SEC16B: variants seen among roughly 807,000 people sequenced by gnomAD.
The protein encoded by SEC16B is SEC16 homolog B, endoplasmic reticulum export factor.
SEC16B carries 115 observed loss-of-function variants against 141.8 expected under a neutral mutation model. The observed-to-expected ratio is 0.81, with a 90% CI of 0.70 to 0.95. SEC16B has a LOEUF of 0.95. Among genes scored for constraint, SEC16B ranks in the 40% least tolerant of loss-of-function variants. The pLI, the probability that SEC16B is intolerant of heterozygous loss-of-function variation, is 0.00. For synonymous variants in SEC16B, 493 were observed against 492.5 expected (o/e 1.00, Z -0.01); for missense variants, 1,291 against 1,312.3 (o/e 0.98, Z 0.25).
intron 13 of SEC16B, among the ~76,000 whole-genome samples, chr1:177,946,939 A>G (rs1291722448): frequency 6.6e-6 from 1 of 152,200 alleles, no homozygotes; most frequent in Non-Finnish European, 1.5e-5. Context: ...TCCCTGCTGA[A>G]GTCAAACATA....
chr1:177,958,161 T>C lies in SEC16B; in HGVS notation c.1336A>G (p.Thr446Ala), dbSNP rs767534679. ...ETPAQIVEKF[T>A]RLLYYGRKKE... is the part of the protein sequence containing the mutation. ...TTCCTTCCATAGTAGAGCAGCCTAG[T>C]GAATTTCTCCACGATCTGCGCAGGT... Residue 446 changes from threonine (T) to alanine (A), a missense_variant, in exon 10 of 26, where the codon ACT (threonine) becomes GCT (alanine). By Grantham distance (58) the Thr-to-Ala change is moderately conservative (BLOSUM62 0). Transcript: ENST00000308284. 1.9e-6 allele frequency: 3 copies of C among 1,551,856 alleles called. No individual in the cohort carries two copies. Among genetic ancestry groups the C allele is most frequent in the Non-Finnish European group, 2.6e-6 (3 of 1,146,454 alleles).
intron 1 of SEC16B, among the ~76,000 whole-genome samples, chr1:177,975,937 T>C (rs1437912316): frequency 1.3e-5 from 2 of 152,144 alleles, no homozygotes; most frequent in African/African-American, 2.4e-5. Context: ...TCAGCTGTTC[T>C]AGTTATTAGG....
chr1:177,970,548 T>G (rs1005986546), upstream of SEC16B, among the ~76,000 whole-genome samples: 2 of 152,292 alleles, frequency 1.3e-5, no homozygotes, highest in East Asian at 3.9e-4. Context: ...CGCTCACTGG[T>G]GGGAGCAAAC....
intron 12 of SEC16B, among the ~76,000 whole-genome samples, chr1:177,949,733 G>T (rs1415439880): frequency 6.6e-6 from 1 of 152,144 alleles, no homozygotes; most frequent in Non-Finnish European, 1.5e-5. Flanking sequence ...TGTACATAGA[G>T]TCCAGGTTAA....
chr1:177,964,200 T>A lies in SEC16B; in HGVS notation c.613A>T (p.Ser205Cys). 1 of 1,613,516 alleles carries A rather than the reference T, an allele frequency of 6.2e-7. No individual in the cohort carries two copies. Among genetic ancestry groups the A allele is most frequent in the Non-Finnish European group, 8.5e-7 (1 of 1,179,640 alleles). ...TTTTTCTGGGCCTCAGCAAGCAGGC[T>A]CCCTGGAAACAGCTCCCCCGGCCAC... ...QEWPGELFPGSLLAEAQKNKP... is the reference protein window; with the variant it reads ...QEWPGELFPGCLLAEAQKNKP... The change falls in exon 5 of 26, where the codon AGC (serine) becomes TGC (cysteine). Residue 205 changes from serine (S) to cysteine (C), a missense_variant. Physicochemically the swap from Ser to Cys is moderately radical, Grantham distance 112. This residue lies in a region of SEC16B where 681 missense variants were observed against 675.5 expected (regional missense o/e 1.01). Coordinates refer to ENST00000308284, the MANE Select transcript of SEC16B (RefSeq NM_033127.4).
In SEC16B at chr1:177,967,928, T is replaced by G; in HGVS notation, c.54A>C (p.Ala18=). ...ACCCTCGGTCTGGATCCTTTGAGGG[T>G]GCTGTGGCCTTCCCTCGTGTCTGGG... The part of the protein sequence containing the change: ...RLPQTRGKAT[A]PSKDPDRGFR... Residue 18 remains alanine, a synonymous_variant, in exon 2 of 26, where the codon GCA becomes GCC. Transcript: ENST00000308284. 1 of 1,613,732 alleles carries G rather than the reference T, an allele frequency of 6.2e-7. No homozygotes were observed. Among genetic ancestry groups the G allele is most frequent in the East Asian group, 2.2e-5 (1 of 44,860 alleles).
Position 177,954,373 on chromosome 1 carries a change from C to T in SEC16B, c.1369G>A (p.Ala457Thr). The T allele has an allele frequency of 3.2e-6, 5 of 1,570,148 alleles. No individual in the cohort carries two copies. Among genetic ancestry groups the T allele is most frequent in the Non-Finnish European group, 4.3e-6 (5 of 1,156,558 alleles). ...RLLYYGRKKE[A>T]LEWAMKNHLW... Reference sequence around the variant, plus strand: ...TGGTTCTTCATGGCCCACTCCAAGGCTTCCTGAAAACCAAAACATCACATT... The same window carrying T: ...TGGTTCTTCATGGCCCACTCCAAGGTTTCCTGAAAACCAAAACATCACATT... The change falls in exon 11 of 26, where the codon GCC becomes ACC. Residue 457 changes from alanine (A) to threonine (T), a missense_variant. By Grantham distance (58) the Ala-to-Thr change is moderately conservative (BLOSUM62 0). This residue lies in a region of SEC16B where 681 missense variants were observed against 675.5 expected (regional missense o/e 1.01). Transcript: ENST00000308284.
intron 14 of SEC16B, chr1:177,945,804 G>A (rs1651656129): frequency 6.5e-6 from 1 of 154,326 alleles, no homozygotes; most frequent in Non-Finnish European, 1.4e-5. Context: ...ATGGGGAGGG[G>A]GATAGAGAGA....
chr1:177,978,469 G>GGCTGAGGCAGGAGGATT (rs1467150571), intron 1 of SEC16B, among the ~76,000 whole-genome samples: 1 of 152,108 alleles, frequency 6.6e-6, no homozygotes, highest in Non-Finnish European at 1.5e-5. Context: ...GAATTTGGGA[G>GGCTGAGGCAGGAGGATT]GCTGAGGCAG....
At chr1:177,951,381 T>C (rs1652182399) in intron 12 of SEC16B, among the ~76,000 whole-genome samples, 1 of 152,192 alleles carries the variant, frequency 6.6e-6, no homozygotes, top group African/African-American at 2.4e-5. Flanking sequence ...AAGTCTCCTA[T>C]AATGGGAAAA....
intron 1 of SEC16B, among the ~76,000 whole-genome samples, chr1:177,978,373 T>C (rs545111435): frequency 6.6e-6 from 1 of 152,294 alleles, no homozygotes; most frequent in African/African-American, 2.4e-5. Flanking sequence ...TTGGTAAGTG[T>C]CCAACAAATG....
chr1:177,970,464 C>A (rs1472483074), upstream of SEC16B, among the ~76,000 whole-genome samples: 3 of 152,166 alleles, frequency 2.0e-5, no homozygotes, highest in South Asian at 4.1e-4. Context: ...GTATGCCCTG[C>A]AGATCAATAT....
At position 177,929,870 on chromosome 1, in the gene SEC16B, G is replaced by A. The variant is rs753400953; in HGVS notation, c.3171C>T (p.Thr1057=). 6.2e-7 allele frequency: 1 copy of A among 1,613,928 alleles called. No individual in the cohort carries two copies. The highest frequency in any genetic ancestry group is 8.5e-7 in the Non-Finnish European group (1 of 1,179,870). ...PNRLAQRRYP[T]QPC The stretch of plus-strand genomic sequence containing the variant: ...CGTGTGTTTATTCTCAGCATGGCTG[G>A]GTGGGATAGCGACGCTGAGCTAGGC... The change falls in exon 26 of 26, where the codon ACC becomes ACT. Residue 1057 remains threonine, a synonymous_variant. Coordinates refer to ENST00000308284, the MANE Select transcript of SEC16B (RefSeq NM_033127.4).
At position 177,936,537 on chromosome 1, in the gene SEC16B, A is replaced by G. The variant is rs773681649; in HGVS notation, c.2504-172T>C. 4.1e-4 allele frequency among the ~76,000 whole-genome samples: 62 copies of G among 152,274 alleles called. 1 individual carries two copies. Among genetic ancestry groups the G allele is most frequent in the Non-Finnish European group, 2.4e-4 (16 of 68,026 alleles). On this transcript the variant is annotated intron_variant, in intron 19 of 25. Coordinates refer to ENST00000308284, the MANE Select transcript of SEC16B (RefSeq NM_033127.4). Reference sequence around the variant, plus strand: ...AAGAATGCTCACGTAGCTCATCTCAATCCCAGCCACCCCAGGACATGCTGT... The same window carrying G: ...AAGAATGCTCACGTAGCTCATCTCAGTCCCAGCCACCCCAGGACATGCTGT...
intron 11 of SEC16B, among the ~76,000 whole-genome samples, chr1:177,953,775 C>A (rs562984218): frequency 6.6e-6 from 1 of 152,114 alleles, no homozygotes; most frequent in Non-Finnish European, 1.5e-5. Context: ...CTCCCACTGC[C>A]GCCAATGCAG....
At position 177,932,602 on chromosome 1, in the gene SEC16B, G is replaced by T. The variant is rs143680854; in HGVS notation, c.2933-33C>A. On this transcript the variant is annotated intron_variant, in intron 23 of 25. Coordinates refer to ENST00000308284, the MANE Select transcript of SEC16B (RefSeq NM_033127.4). ...GTAATGAGGCAGAGCTGTTTCCTCT[G>T]CTCAGGACTGGGGGTCCCCACTCCC... 5.9e-6 allele frequency: 9 copies of T among 1,525,470 alleles called. No homozygotes were observed. In the African/African-American group the frequency reaches 9.7e-5, roughly 16 times the overall value. The allele number at this position is 1,525,470 out of a possible 1,614,324, so 94.5% of individuals were successfully genotyped here. A position where few individuals can be genotyped will look rare whatever the true frequency, so the allele number is the denominator to read the frequency against.
chr1:177,932,677 G>A, intron 23 of SEC16B, 21 bp downstream of exon 23: 1 of 1,552,028 alleles, frequency 6.4e-7, no homozygotes, highest in Non-Finnish European at 8.7e-7. Context: ...CCATGGCCCA[G>A]AGGACGTGAG....
At chr1:177,964,346 G>C in intron 4 of SEC16B, 67 bp from the exon 5 acceptor site, 1 of 1,164,488 alleles carries the variant, frequency 8.6e-7, no homozygotes, top group Non-Finnish European at 1.2e-6. Flanking sequence ...GGCACTCTCC[G>C]CCGGAAGCTG....
chr1:177,955,676 G>C (rs1301404152), intron 10 of SEC16B, among the ~76,000 whole-genome samples: 1 of 152,174 alleles, frequency 6.6e-6, no homozygotes, highest in Non-Finnish European at 1.5e-5. Flanking sequence ...CTATCAAAGA[G>C]TTTGAAACAC....
Sources: allele counts gnomAD v4.1 joint callset (sites outside exome capture counted in the v4.1 genomes callset), GRCh38; gene constraint gnomAD v4.1.1; regional missense constraint gnomAD v4.1.1; transcripts MANE v1.5; gene names NCBI Gene and HGNC (gene_info 2026-07-23, HGNC 2026-07-21).